Variants in IKBKB-DT observed in about 807,000 individuals in gnomAD.
IKBKB-DT encodes IKBKB antisense RNA.
chr8:42,249,381 A>G (rs572989622), intron 3 of IKBKB-DT: 6 of 152,192 alleles, frequency 3.9e-5, no homozygotes, highest in African/African-American at 1.4e-4. Flanking sequence ...AAAAAAAGAC[A>G]AAATATCCCT....
intron 3 of IKBKB-DT, among the ~76,000 whole-genome samples, chr8:42,262,881 G>A (rs1468738163): frequency 6.6e-6 from 1 of 152,096 alleles, no homozygotes; most frequent in Non-Finnish European, 1.5e-5. Context: ...TGGGACTACA[G>A]GCGAACACCA....
chr8:42,241,222 A>ATT (rs1563274607), intron 3 of IKBKB-DT, among the ~76,000 whole-genome samples: 9 of 66,602 alleles, frequency 1.4e-4, no homozygotes, highest in African/African-American at 1.9e-4. Flanking sequence ...ATATGTTGGA[A>ATT]TCTTTTTTTT....
At chr8:42,267,923 A>G (rs1807396432) in intron 1 of IKBKB-DT, among the ~76,000 whole-genome samples, 1 of 152,206 alleles carries the variant, frequency 6.6e-6, no homozygotes, top group Non-Finnish European at 1.5e-5. Context: ...ATTTATGTTC[A>G]GTTGAAAGCC....
At chr8:42,265,543 G>A (rs1040660961) in intron 2 of IKBKB-DT, 8 of 152,198 alleles carry the variant, frequency 5.3e-5, no homozygotes, top group African/African-American at 1.9e-4. Flanking sequence ...ACTAGAGTCC[G>A]GCAGCTGAGC....
chr8:42,259,389 C>T (rs886442001), intron 3 of IKBKB-DT, among the ~76,000 whole-genome samples: 4 of 152,138 alleles, frequency 2.6e-5, no homozygotes, highest in South Asian at 2.1e-4. Flanking sequence ...TCTGGAGTCT[C>T]TTGTACTATG....
chr8:42,264,402 T>A (rs2129934464), intron 2 of IKBKB-DT, among the ~76,000 whole-genome samples: 1 of 152,126 alleles, frequency 6.6e-6, no homozygotes, highest in East Asian at 1.9e-4. Flanking sequence ...GCAATCCTCC[T>A]GCCTGGGCTT....
intron 2 of IKBKB-DT, among the ~76,000 whole-genome samples, chr8:42,265,337 G>A (rs993892603): frequency 2.6e-5 from 4 of 152,138 alleles, no homozygotes; most frequent in Non-Finnish European, 4.4e-5. Context: ...TTGCTTCTTC[G>A]GTTGCTGTTT....
intron 3 of IKBKB-DT, among the ~76,000 whole-genome samples, chr8:42,262,709 G>A (rs978887248): frequency 6.6e-6 from 1 of 152,034 alleles, no homozygotes; most frequent in Non-Finnish European, 1.5e-5. Context: ...AAAGTGCTGG[G>A]ATTACAGGCA....
chr8:42,247,971 T>G (rs1335972960), intron 3 of IKBKB-DT, among the ~76,000 whole-genome samples: 1 of 151,824 alleles, frequency 6.6e-6, no homozygotes, highest in Non-Finnish European at 1.5e-5. Context: ...TGGGCGCCTC[T>G]AATCCCAGCT....
intron 3 of IKBKB-DT, among the ~76,000 whole-genome samples, chr8:42,256,843 C>T (rs1807209233): frequency 6.6e-6 from 1 of 152,100 alleles, no homozygotes; most frequent in Non-Finnish European, 1.5e-5. Flanking sequence ...CTCATCAGCA[C>T]AGCAGCCATG....
intron 1 of IKBKB-DT, among the ~76,000 whole-genome samples, chr8:42,269,871 TC>T (rs1232527150): frequency 6.6e-6 from 1 of 152,122 alleles, no homozygotes; most frequent in Non-Finnish European, 1.5e-5. Flanking sequence ...AGCCCGCCTG[TC>T]CCCCTGCTAT....
chr8:42,262,747 T>C lies in IKBKB-DT; in HGVS notation n.1529+582A>G, dbSNP rs181361758. Among the ~76,000 whole-genome samples the C allele has an allele frequency of 4.0e-5, 6 of 149,130 alleles. No individual in the cohort carries two copies. The South Asian group carries it at 6.4e-4, about 16-fold the overall frequency. ...AGCCACCATGCCTGGCCTATTTTTT[T>C]ATTTTTTTGAGACAGGGTCTCATGC... On this transcript the variant is annotated intron_variant and non_coding_transcript_variant, in intron 3 of 3. Coordinates refer to ENST00000518213, the Ensembl canonical transcript of IKBKB-DT.
chr8:42,270,171 C>T (rs1807536224), intron 1 of IKBKB-DT, among the ~76,000 whole-genome samples: 1 of 152,158 alleles, frequency 6.6e-6, no homozygotes, highest in Admixed American at 6.5e-5. Flanking sequence ...ATCAGCTCAT[C>T]TACGTAGCAG....
intron 3 of IKBKB-DT, among the ~76,000 whole-genome samples, chr8:42,247,358 T>C (rs1807077065): frequency 6.6e-6 from 1 of 152,230 alleles, no homozygotes; most frequent in Admixed American, 6.5e-5. Context: ...CAATTTCTCC[T>C]ATTTGGAATG....
intron 3 of IKBKB-DT, among the ~76,000 whole-genome samples, chr8:42,236,818 GA>G (rs1339123317): frequency 6.6e-6 from 1 of 152,058 alleles, no homozygotes; most frequent in Non-Finnish European, 1.5e-5. Context: ...TAACCAAAGT[GA>G]AAAAAATTTC....
intron 3 of IKBKB-DT, among the ~76,000 whole-genome samples, chr8:42,253,744 C>T (rs1439848382): frequency 3.9e-5 from 6 of 152,188 alleles, no homozygotes; most frequent in South Asian, 2.1e-4. Context: ...AGGGTACACT[C>T]GCCAGCAGTT....
At chr8:42,236,364 ATC>A (rs1289944030) in intron 3 of IKBKB-DT, among the ~76,000 whole-genome samples, 27 of 152,172 alleles carry the variant, frequency 1.8e-4, no homozygotes, top group Admixed American at 1.4e-3. Flanking sequence ...TTAGTTTAAT[ATC>A]TCTCTGTAAA....
At chr8:42,245,268 A>C (rs1443859183) in intron 3 of IKBKB-DT, among the ~76,000 whole-genome samples, 1 of 152,164 alleles carries the variant, frequency 6.6e-6, no homozygotes, top group East Asian at 1.9e-4. Context: ...ATAAAATTTA[A>C]AAAATAATAA....
At chr8:42,253,099 G>C (rs1807151185) in intron 3 of IKBKB-DT, among the ~76,000 whole-genome samples, 1 of 152,126 alleles carries the variant, frequency 6.6e-6, no homozygotes, top group African/African-American at 2.4e-5. Flanking sequence ...GATCTGAATA[G>C]GAAAATTTAT....
Sources: allele counts gnomAD v4.1 joint callset (sites outside exome capture counted in the v4.1 genomes callset), GRCh38; gene constraint gnomAD v4.1.1; transcripts MANE v1.5; gene names NCBI Gene and HGNC (gene_info 2026-07-23, HGNC 2026-07-21).